The following FGD6 variants were observed in gnomAD, a reference collection of about 807,000 sequenced individuals.
The protein encoded by FGD6 is FYVE, RhoGEF and PH domain containing 6.
FGD6 carries 90 observed loss-of-function variants against 149.4 expected under a neutral mutation model. The ratio of observed to expected loss-of-function variants is 0.60; its 90% CI spans 0.51 to 0.72. FGD6 has a LOEUF of 0.72. Ranked by LOEUF, FGD6 falls within the 30% of genes least tolerant of loss-of-function variation. FGD6 has a pLI of 0.00. For synonymous variants in FGD6, 527 were observed against 584.0 expected, an observed-to-expected ratio of 0.90 and a Z score of 1.41; for missense variants, 1,437 against 1,684.8, an observed-to-expected ratio of 0.85 and a Z score of 2.57.
chr12:95,079,081 A>C lies in FGD6; in HGVS notation c.*2439T>G, dbSNP rs752210887. On this transcript the variant is annotated 3_prime_UTR_variant, in exon 21 of 21. Transcript: ENST00000343958. ...TAGCTTTTTTTACAATAAATTGCAT[A>C]TAATTAGGTTCTTAGTTGACAATGA... The C allele has an allele frequency of 6.6e-6, 1 of 152,150 alleles. No homozygotes were observed. The highest frequency in any genetic ancestry group is 2.1e-4 in the South Asian group (1 of 4,820). 9.4% of individuals were successfully genotyped at this position (152,150 alleles called of 1,614,324 possible).
In FGD6 at chr12:95,076,805, ATTT is replaced by A. The variant is rs957628632; in HGVS notation, c.*4712_*4714del. 5.8e-5 allele frequency: 6 copies of A among 103,796 alleles called. No homozygotes were observed. The highest frequency in any genetic ancestry group is 1.0e-4 in the Non-Finnish European group (5 of 49,598). The allele number at this position is 103,796 out of a possible 1,614,324, so 6.4% of individuals were successfully genotyped here. On this transcript the variant is annotated 3_prime_UTR_variant, in exon 21 of 21. Coordinates refer to ENST00000343958, the MANE Select transcript of FGD6 (RefSeq NM_018351.4). ...CATATTAACATTATTTACAATGCTA[ATTT>A]TTTTATTTATAAAGTATATATGGAC...
intron 2 of FGD6, among the ~76,000 whole-genome samples, chr12:95,177,623 C>T (rs1433250383): frequency 1.3e-5 from 2 of 152,018 alleles, no homozygotes; most frequent in East Asian, 3.9e-4. Flanking sequence ...AATGCTGTCT[C>T]ATTATGACTT....
chr12:95,182,535 T>C (rs758539383), intron 2 of FGD6, among the ~76,000 whole-genome samples: 9 of 152,220 alleles, frequency 5.9e-5, no homozygotes, highest in Non-Finnish European at 1.0e-4. Flanking sequence ...TTTGTAATAC[T>C]TAGAATATAT....
chr12:95,153,950 T>TGAGAGAGAGAAGAGACA (rs1880389279), intron 3 of FGD6, among the ~76,000 whole-genome samples: 1 of 141,210 alleles, frequency 7.1e-6, no homozygotes, highest in African/African-American at 2.6e-5. Flanking sequence ...TGTGTGTGAG[T>TGAGAGAGAGAAGAGACA]GAGAGAGAGA....
At chr12:95,172,046 G>GGTGGGGT (rs562514503) in intron 3 of FGD6, among the ~76,000 whole-genome samples, 1 of 136,322 alleles carries the variant, frequency 7.3e-6, no homozygotes, top group Non-Finnish European at 1.6e-5. Context: ...GGGGGGGGGG[G>GGTGGGGT]TTGTTATCAA....
chr12:95,107,120 A>G (rs2136241058), intron 12 of FGD6, 83 bp from the exon 13 acceptor site: 1 of 973,300 alleles, frequency 1.0e-6, no homozygotes, highest in South Asian at 1.4e-5. Context: ...AGATTAAAGG[A>G]TAAATAATAC....
At chr12:95,097,531 G>T in intron 14 of FGD6, among the ~76,000 whole-genome samples, 1 of 151,390 alleles carries the variant, frequency 6.6e-6, no homozygotes, top group East Asian at 1.9e-4. Context: ...TGCTACTCAG[G>T]AGGCTGAGGC....
intron 2 of FGD6, among the ~76,000 whole-genome samples, chr12:95,203,797 T>C (rs1286947141): frequency 6.6e-6 from 1 of 152,240 alleles, no homozygotes; most frequent in Non-Finnish European, 1.5e-5. Context: ...AAACTTGGAA[T>C]GTTTCCAGGG....
rs148876297 is a variant in FGD6, at chr12:95,153,385, G to A, written c.2587-392C>T. 3.9e-3 allele frequency among the ~76,000 whole-genome samples: 595 copies of A among 152,306 alleles called. 5 individuals are homozygous for A. Among genetic ancestry groups the A allele is most frequent in the Middle Eastern group, 6.8e-3 (2 of 294 alleles). On this transcript the variant is annotated intron_variant, in intron 3 of 20. Coordinates refer to ENST00000343958, the MANE Select transcript of FGD6 (RefSeq NM_018351.4). Reference sequence around the variant, plus strand: ...TACAAATAATTTAAGAATTTGGCTGGGTGCAGTGGCTCACGCCTGTAATCC... The same window carrying A: ...TACAAATAATTTAAGAATTTGGCTGAGTGCAGTGGCTCACGCCTGTAATCC...
chr12:95,208,745 AACCACGTGTTTTTT>A (rs1254455008), intron 2 of FGD6, 84 bp downstream of exon 2: 1 of 1,380,550 alleles, frequency 7.2e-7, no homozygotes, highest in East Asian at 2.4e-5. Flanking sequence ...CTATTCCTTC[AACCACGTGTTTTTT>A]TTCCCCCTGC....
In FGD6 at chr12:95,210,818, T is replaced by C. The variant is rs1224949730; in HGVS notation, c.466A>G (p.Arg156Gly). ...TCACCATACAAATCACATTTACTCC[T>C]AGTTTTTATAGTCAAAGTCTCATCA... ...KIDETLTIKT[R>G]SKCDLYGEKA... The change falls in exon 2 of 21, where the codon AGG (arginine) becomes GGG (glycine). Residue 156 changes from arginine (R) to glycine (G), a missense_variant. Arg to Gly is a moderately radical substitution (Grantham distance 125). Around this residue, in one of 2 missense-constraint regions of FGD6, gnomAD observed 1,055 missense variants for 1,146.0 expected, o/e 0.92. Coordinates refer to ENST00000343958, the MANE Select transcript of FGD6 (RefSeq NM_018351.4). 1 of 1,613,538 alleles carries C rather than the reference T, an allele frequency of 6.2e-7. No homozygotes were observed. Among genetic ancestry groups the C allele is most frequent in the African/African-American group, 1.3e-5 (1 of 74,984 alleles).
intron 8 of FGD6, among the ~76,000 whole-genome samples, chr12:95,117,678 T>C (rs1055227920): frequency 1.3e-5 from 2 of 152,182 alleles, no homozygotes; most frequent in Admixed American, 6.5e-5. Flanking sequence ...TCTCTCACCC[T>C]GGCCTCCCAA....
chr12:95,120,899 C>T (rs191504227), intron 8 of FGD6, among the ~76,000 whole-genome samples: 17 of 152,164 alleles, frequency 1.1e-4, no homozygotes, highest in Middle Eastern at 6.8e-3. Flanking sequence ...GGACACAATA[C>T]ACCACTATAT....
intron 3 of FGD6, among the ~76,000 whole-genome samples, chr12:95,165,212 T>C (rs116329594): frequency 0.013 from 1,924 of 152,282 alleles, 45 homozygotes; most frequent in African/African-American, 0.044. Flanking sequence ...TAGAGACAGA[T>C]TGGGTTAAAA....
At chr12:95,146,575 G>A (rs1446460165) in intron 5 of FGD6, among the ~76,000 whole-genome samples, 1 of 152,136 alleles carries the variant, frequency 6.6e-6, no homozygotes, top group East Asian at 1.9e-4. Context: ...TAGCTATAGA[G>A]TTTGTTAGCA....
intron 19 of FGD6, chr12:95,085,523 A>G: frequency 2.1e-6 from 1 of 468,156 alleles, no homozygotes; most frequent in South Asian, 4.4e-5. Flanking sequence ...CCTTTAGTAA[A>G]GTAATTAGTA....
rs542561820 is a variant in FGD6, at chr12:95,105,113, C to T, written c.3418-27G>A. The T allele has an allele frequency of 5.1e-5, 81 of 1,579,782 alleles. 1 individual carries two copies. In the South Asian group the frequency reaches 7.1e-4, roughly 14 times the overall value. Reference sequence around the variant, plus strand: ...TGGAAGAAAGCACAACAATTTGAGCCGACTCATCCTACTGAAAACCATATC... The same window carrying T: ...TGGAAGAAAGCACAACAATTTGAGCTGACTCATCCTACTGAAAACCATATC... On this transcript the variant is annotated intron_variant, in intron 13 of 20. Transcript: ENST00000343958.
At chr12:95,215,917 A>T (rs1271095494) in intron 1 of FGD6, among the ~76,000 whole-genome samples, 2 of 152,258 alleles carry the variant, frequency 1.3e-5, no homozygotes, top group Non-Finnish European at 2.9e-5. Context: ...ATTTCCAACC[A>T]CTTTTAATTT....
chr12:95,109,976 G>A (rs984913109), intron 9 of FGD6, among the ~76,000 whole-genome samples: 7 of 142,434 alleles, frequency 4.9e-5, no homozygotes, highest in South Asian at 2.4e-4. Flanking sequence ...GGTACCAGCC[G>A]TGGAGGCTTC....
Sources: gnomAD v4.1 joint callset for allele counts (sites outside exome capture counted in the v4.1 genomes callset) on GRCh38, gnomAD v4.1.1 for gene constraint, gnomAD v4.1.1 regional missense constraint, MANE v1.5 for transcripts, NCBI Gene and HGNC (gene_info 2026-07-23, HGNC 2026-07-21) for gene names.